Variants in PLXNC1 observed in about 807,000 individuals in gnomAD.
The protein encoded by PLXNC1 is plexin-C1.
A neutral mutation model predicts 178.2 loss-of-function variants in PLXNC1; 75 were observed. The observed-to-expected ratio is 0.42, with a 90% CI of 0.35 to 0.51. The LOEUF is 0.51. PLXNC1 is among the 20% of genes least tolerant of loss of function. PLXNC1 has a pLI of 0.02. For synonymous variants in PLXNC1, 790 were observed against 779.9 expected, an observed-to-expected ratio of 1.01 and a Z score of -0.22; for missense variants, 1,503 against 1,984.4, an observed-to-expected ratio of 0.76 and a Z score of 4.61.
chr12:94,201,799 T>C (rs1963134201), intron 4 of PLXNC1, among the ~76,000 whole-genome samples: 1 of 118,154 alleles, frequency 8.5e-6, no homozygotes, highest in South Asian at 3.1e-4. Flanking sequence ...GACAGAGTCT[T>C]GCTCTGTCAC....
rs1160619232 is a variant in PLXNC1 at position 94,149,660 on chromosome 12, G to T, written c.689G>T (p.Gly230Val). Reference protein sequence around the residue: ...LGRLKLCEGAGSLHFVDAFLW... With the variant: ...LGRLKLCEGAVSLHFVDAFLW... Reference sequence around the variant, plus strand: ...CGCCTCAAGCTGTGCGAGGGCGCGGGCAGCCTGCACTTCGTGGACGCCTTT... The same window carrying T: ...CGCCTCAAGCTGTGCGAGGGCGCGGTCAGCCTGCACTTCGTGGACGCCTTT... The change falls in exon 1 of 31, where the codon GGC becomes GTC. Residue 230 changes from glycine to valine, a missense_variant. Coordinates refer to ENST00000258526, the MANE Select transcript of PLXNC1 (RefSeq NM_005761.3). The T allele has an allele frequency of 6.2e-7, 1 of 1,606,670 alleles. No individual in the cohort carries two copies. The highest frequency in any genetic ancestry group is 2.2e-5 in the East Asian group (1 of 44,496).
intron 23 of PLXNC1, among the ~76,000 whole-genome samples, chr12:94,286,094 G>A (rs1253144257): frequency 6.6e-6 from 1 of 152,198 alleles, no homozygotes; most frequent in Non-Finnish European, 1.5e-5. Flanking sequence ...GACATCGGCC[G>A]TGCTAGACAC....
chr12:94,252,719 G>A (rs1964730755), intron 15 of PLXNC1, among the ~76,000 whole-genome samples: 2 of 152,182 alleles, frequency 1.3e-5, no homozygotes, highest in South Asian at 2.1e-4. Context: ...TAGCAGCTAC[G>A]CCCTAGAGAG....
intron 1 of PLXNC1, among the ~76,000 whole-genome samples, chr12:94,156,477 CTTT>C (rs33995488): frequency 2.1e-5 from 3 of 140,184 alleles, no homozygotes; most frequent in Admixed American, 1.4e-4. Flanking sequence ...CACTGTCTAT[CTTT>C]TTTTTTTTTT....
chr12:94,299,296 C>T (rs1365234509), intron 27 of PLXNC1, among the ~76,000 whole-genome samples: 2 of 152,136 alleles, frequency 1.3e-5, no homozygotes, highest in African/African-American at 4.8e-5. Context: ...TAAGGACAGG[C>T]AAGGCATCCA....
intron 21 of PLXNC1, among the ~76,000 whole-genome samples, chr12:94,276,581 CT>C (rs1353267221): frequency 1.3e-5 from 2 of 152,238 alleles, no homozygotes; most frequent in African/African-American, 4.8e-5. Flanking sequence ...GGTTCTGCCA[CT>C]GGTGAGCTGT....
At chr12:94,249,967 G>A (rs1431070993) in intron 14 of PLXNC1, among the ~76,000 whole-genome samples, 3 of 146,144 alleles carry the variant, frequency 2.1e-5, no homozygotes, top group Non-Finnish European at 3.0e-5. Flanking sequence ...GCAGGTAGGG[G>A]GGCCATGCTG....
Position 94,259,393 on chromosome 12 carries a change from C to T in PLXNC1, c.3126+18C>T. The T allele has an allele frequency of 7.6e-6, 12 of 1,576,616 alleles. No homozygotes were observed. The highest frequency in any genetic ancestry group is 9.5e-6 in the Non-Finnish European group (11 of 1,161,646). ...ATATGCATGTAAGTCTCTACGTTTT[C>T]ATTTTTAGCCCAGTGACTGCCTGAT... On this transcript the variant is annotated intron_variant, in intron 18 of 30. Coordinates refer to ENST00000258526, the MANE Select transcript of PLXNC1 (RefSeq NM_005761.3).
At position 94,251,406 on chromosome 12, in the gene PLXNC1, G is replaced by A. The variant is rs1190485124; in HGVS notation, c.2779-20G>A. 1 of 1,461,518 alleles carries A rather than the reference G, an allele frequency of 6.8e-7. No homozygotes were observed. The highest frequency in any genetic ancestry group is 1.4e-5 in the African/African-American group (1 of 72,052). The allele number at this position is 1,461,518 out of a possible 1,614,324, so 90.5% of individuals were successfully genotyped here. A position where few individuals can be genotyped will look rare whatever the true frequency, so the allele number is the denominator to read the frequency against. ...AGTCCCCAACTCAATTGGGTCTAATGACATTCTTTGTCCCATCAGGTCAAG... is the reference window on the plus strand; with the variant it reads ...AGTCCCCAACTCAATTGGGTCTAATAACATTCTTTGTCCCATCAGGTCAAG... On this transcript the variant is annotated intron_variant, in intron 14 of 30. Coordinates refer to ENST00000258526, the MANE Select transcript of PLXNC1 (RefSeq NM_005761.3).
At chr12:94,291,292 G>A (rs561301081) in intron 23 of PLXNC1, among the ~76,000 whole-genome samples, 1 of 152,332 alleles carries the variant, frequency 6.6e-6, no homozygotes, top group South Asian at 2.1e-4. Context: ...CTGGAGTGCA[G>A]TGGCACAATC....
intron 1 of PLXNC1, among the ~76,000 whole-genome samples, chr12:94,163,648 C>T (rs1463037414): frequency 6.6e-6 from 1 of 152,084 alleles, no homozygotes; most frequent in Non-Finnish European, 1.5e-5. Context: ...ATACAAGCTT[C>T]ACCACCTTGC....
At chr12:94,302,830 A>G (rs1968600613) in intron 28 of PLXNC1, among the ~76,000 whole-genome samples, 1 of 152,204 alleles carries the variant, frequency 6.6e-6, no homozygotes, top group African/African-American at 2.4e-5. Flanking sequence ...TCTCAAGGGC[A>G]GCCACTAGTC....
chr12:94,209,611 T>C lies in PLXNC1; in HGVS notation c.1461T>C (p.Cys487=). Residue 487 remains cysteine (C), a synonymous_variant, in exon 5 of 31, where the codon TGT becomes TGC. Coordinates refer to ENST00000258526, the MANE Select transcript of PLXNC1 (RefSeq NM_005761.3). ...SLQRCTFQGD[C]VHSENLENWL... is the part of the protein sequence containing the mutation. ...TTAGGTGCACTTTTCAAGGAGATTGTGTACATTCAGAGAACTTAGAAAACT... is the reference window on the plus strand; with the variant it reads ...TTAGGTGCACTTTTCAAGGAGATTGCGTACATTCAGAGAACTTAGAAAACT... 1 of 1,612,306 alleles carries C rather than the reference T, an allele frequency of 6.2e-7. No homozygotes were observed. Among genetic ancestry groups the C allele is most frequent in the South Asian group, 1.1e-5 (1 of 91,034 alleles).
chr12:94,303,245 A>G (rs1171671374), intron 28 of PLXNC1, among the ~76,000 whole-genome samples: 2 of 152,198 alleles, frequency 1.3e-5, no homozygotes, highest in Non-Finnish European at 2.9e-5. Flanking sequence ...GATGATGTCT[A>G]TAATCTAATG....
chr12:94,287,101 C>T (rs1189422856), intron 23 of PLXNC1, among the ~76,000 whole-genome samples: 1 of 152,188 alleles, frequency 6.6e-6, no homozygotes, highest in Admixed American at 6.5e-5. Flanking sequence ...TCCACAAAAA[C>T]CCTGGGAGGC....
chr12:94,227,970 A>T (rs535501307), intron 9 of PLXNC1, among the ~76,000 whole-genome samples: 238 of 152,342 alleles, frequency 1.6e-3, no homozygotes, highest in Non-Finnish European at 3.0e-3. Flanking sequence ...CTAACCTTGG[A>T]GTCTAGCAGA....
intron 4 of PLXNC1, among the ~76,000 whole-genome samples, chr12:94,193,321 G>A (rs573346152): frequency 6.6e-6 from 1 of 152,292 alleles, no homozygotes; most frequent in African/African-American, 2.4e-5. Flanking sequence ...TTAGCAGGTG[G>A]CTGTAAACCA....
intron 4 of PLXNC1, among the ~76,000 whole-genome samples, chr12:94,187,774 C>A (rs1472042153): frequency 6.6e-6 from 1 of 152,086 alleles, no homozygotes; most frequent in African/African-American, 2.4e-5. Context: ...TAGCGGCTAA[C>A]GTATTAACAA....
intron 21 of PLXNC1, among the ~76,000 whole-genome samples, chr12:94,267,588 T>C (rs998456334): frequency 2.0e-5 from 3 of 152,196 alleles, no homozygotes; most frequent in African/African-American, 7.2e-5. Flanking sequence ...TGAAAAGGAA[T>C]GGGCCACTTG....
Sources: gnomAD v4.1 joint callset for allele counts (sites outside exome capture counted in the v4.1 genomes callset) on GRCh38, gnomAD v4.1.1 for gene constraint, MANE v1.5 for transcripts, NCBI Gene and HGNC (gene_info 2026-07-23, HGNC 2026-07-21) for gene names.